The following USP33 variants were observed in gnomAD, a reference collection of about 807,000 sequenced individuals.
The protein encoded by USP33 is ubiquitin specific peptidase 33.
In USP33, 46 loss-of-function variants were observed where a neutral mutation model predicts 124.2. The ratio of observed to expected loss-of-function variants is 0.37; its 90% confidence interval spans 0.29 to 0.47. USP33 has a LOEUF of 0.47. Ranked by LOEUF, USP33 falls within the 20% of genes least tolerant of loss-of-function variation. USP33 has a pLI of 0.99. For missense variants in USP33, 851 were observed against 1,070.6 expected, an observed-to-expected ratio of 0.79 and a Z score of 2.86; for synonymous variants, 350 against 352.3, an observed-to-expected ratio of 0.99 and a Z score of 0.07.
At chr1:77,716,671 G>C (rs185713229) in intron 17 of USP33, among the ~76,000 whole-genome samples, 1 of 152,252 alleles carries the variant, frequency 6.6e-6, no homozygotes, top group East Asian at 1.9e-4. Context: ...AAGCTAGTGA[G>C]ATAAACTCCC....
chr1:77,706,838 A>G (rs1192693172), intron 21 of USP33, among the ~76,000 whole-genome samples: 1 of 152,160 alleles, frequency 6.6e-6, no homozygotes, highest in Non-Finnish European at 1.5e-5. Context: ...GAAATAAGAG[A>G]GCTCATCTAC....
intron 1 of USP33, among the ~76,000 whole-genome samples, chr1:77,758,635 T>C (rs1681027552): frequency 6.6e-6 from 1 of 152,226 alleles, no homozygotes; most frequent in South Asian, 2.1e-4. Flanking sequence ...ATTTGTATTA[T>C]GCTCAAATCA....
chr1:77,730,758 G>A, intron 7 of USP33, 27 bp from the exon 8 acceptor site: 2 of 1,497,602 alleles, frequency 1.3e-6, no homozygotes, highest in Non-Finnish European at 9.1e-7. Flanking sequence ...AAAAATGTTA[G>A]AGTGGAGTCA....
chr1:77,721,728 GCTGT>G (rs1469733743), intron 14 of USP33, 99 bp downstream of exon 14: 2 of 1,004,488 alleles, frequency 2.0e-6, no homozygotes. Flanking sequence ...GTACTATTAA[GCTGT>G]CTTAAAACTG....
chr1:77,718,100 A>G lies in USP33; in HGVS notation c.1738-53T>C, dbSNP rs1341124467. On this transcript the variant is annotated intron_variant, in intron 16 of 23. Coordinates refer to ENST00000370794, the MANE Select transcript of USP33 (RefSeq NM_201624.3). The stretch of plus-strand genomic sequence containing the variant: ...TTTGTCAATACAGAAAACAAAAAGC[A>G]TTATAACAGGTAAAACTTAGTAACA... The G allele has an allele frequency of 3.4e-6, 5 of 1,455,060 alleles. No homozygotes were observed. In the Admixed American group the frequency reaches 8.5e-5, roughly 25 times the overall value. 90.1% of individuals were successfully genotyped at this position (1,455,060 alleles called of 1,614,324 possible).
Position 77,736,036 on chromosome 1 carries a change from G to T in USP33, c.454+20C>A. On this transcript the variant is annotated intron_variant, in intron 6 of 23. Transcript: ENST00000370794. The stretch of plus-strand genomic sequence containing the variant: ...AATGGGCAGTGCCATACAAAGAAGC[G>T]TTACACAGGATTAATTTACCTCTGG... 6.4e-7 allele frequency: 1 copy of T among 1,557,690 alleles called. No individual in the cohort carries two copies. The highest frequency in any genetic ancestry group is 8.8e-7 in the Non-Finnish European group (1 of 1,138,362).
intron 1 of USP33, among the ~76,000 whole-genome samples, chr1:77,747,825 G>C (rs1679893888): frequency 2.0e-5 from 3 of 152,130 alleles, no homozygotes; most frequent in Non-Finnish European, 2.9e-5. Context: ...TTTTCTTCCA[G>C]ATGGGCAGAC....
chr1:77,716,525 T>C (rs577448810), intron 17 of USP33, among the ~76,000 whole-genome samples: 1 of 152,340 alleles, frequency 6.6e-6, no homozygotes, highest in African/African-American at 2.4e-5. Context: ...GAGACTCGCA[T>C]TTATTCAGTA....
chr1:77,740,669 G>T (rs1327875855), intron 4 of USP33, among the ~76,000 whole-genome samples: 2 of 152,154 alleles, frequency 1.3e-5, no homozygotes, highest in Admixed American at 6.6e-5. Context: ...GTACACTTTT[G>T]AAATCAGTGC....
At chr1:77,721,638 A>G in intron 14 of USP33, 193 bp downstream of exon 14, 1 of 555,924 alleles carries the variant, frequency 1.8e-6, no homozygotes, top group Non-Finnish European at 3.1e-6. Flanking sequence ...AGGAATTCAC[A>G]TGAATTCCTT....
At chr1:77,739,836 G>A (rs574359377) in intron 4 of USP33, among the ~76,000 whole-genome samples, 2 of 152,296 alleles carry the variant, frequency 1.3e-5, no homozygotes, top group South Asian at 4.1e-4. Context: ...ATCTTGGAAA[G>A]ATAAAAGTCT....
intron 1 of USP33, among the ~76,000 whole-genome samples, chr1:77,753,004 G>A (rs1034006908): frequency 2.0e-5 from 3 of 152,082 alleles, no homozygotes; most frequent in Admixed American, 6.6e-5. Context: ...GCTGGAACCC[G>A]CGAAGAGGAG....
At chr1:77,756,627 T>C (rs1432681407) in intron 1 of USP33, among the ~76,000 whole-genome samples, 1 of 152,192 alleles carries the variant, frequency 6.6e-6, no homozygotes, top group Non-Finnish European at 1.5e-5. Context: ...CAGCTCCCCT[T>C]CATTTGGGGC....
At chr1:77,739,151 A>G in intron 5 of USP33, 114 bp downstream of exon 5, 1 of 1,270,668 alleles carries the variant, frequency 7.9e-7, no homozygotes, top group Non-Finnish European at 1.1e-6. Context: ...CATTACAGAA[A>G]TTTTCAAAGT....
chr1:77,722,307 C>CA (rs1369170804), intron 12 of USP33, 111 bp from the exon 13 acceptor site: 46 of 878,030 alleles, frequency 5.2e-5, no homozygotes, highest in South Asian at 1.7e-4. Flanking sequence ...GCAAAAAAAA[C>CA]AAAAAACAAA....
At position 77,735,553 on chromosome 1, in the gene USP33, A is replaced by G. The variant is rs536887540; in HGVS notation, c.454+503T>C. Among the ~76,000 whole-genome samples the G allele has an allele frequency of 4.7e-3, 709 of 152,330 alleles. 7 individuals carry two copies. The highest frequency in any genetic ancestry group is 0.038 in the South Asian group (184 of 4,832). On this transcript the variant is annotated intron_variant, in intron 6 of 23. Transcript: ENST00000370794. The stretch of plus-strand genomic sequence containing the variant: ...TTTCCAGATAATTATCTAAATATAC[A>G]TTCAATGTACCACTAGTATCAATTA...
Position 77,730,600 on chromosome 1 carries a change from G to C in USP33, c.638+18C>G, listed in dbSNP as rs1352879629. ...TTTAAAAGTTTAATAAAGAAGAAGAGTATATTAAGTTACATACCTGCTTTT... is the reference window on the plus strand; with the variant it reads ...TTTAAAAGTTTAATAAAGAAGAAGACTATATTAAGTTACATACCTGCTTTT... On this transcript the variant is annotated intron_variant, in intron 8 of 23. Transcript: ENST00000370794. 1 of 1,469,316 alleles carries C rather than the reference G, an allele frequency of 6.8e-7. No individual in the cohort carries two copies. The highest frequency in any genetic ancestry group is 9.1e-7 in the Non-Finnish European group (1 of 1,093,298). The allele number at this position is 1,469,316 out of a possible 1,614,324, so 91.0% of individuals were successfully genotyped here.
At chr1:77,714,562 A>G in intron 19 of USP33, 52 bp downstream of exon 19, 1 of 1,562,800 alleles carries the variant, frequency 6.4e-7, no homozygotes, top group Non-Finnish European at 8.6e-7. Context: ...CTAATTTGCA[A>G]ATTATTTTAC....
chr1:77,748,820 A>G (rs1403405792), intron 1 of USP33, among the ~76,000 whole-genome samples: 1 of 111,012 alleles, frequency 9.0e-6, no homozygotes, highest in Admixed American at 1.5e-4. Context: ...GGCAGCATTT[A>G]TCAGAGATAA....
Sources: gnomAD v4.1 joint callset for allele counts (sites outside exome capture counted in the v4.1 genomes callset) on GRCh38, gnomAD v4.1.1 for gene constraint, MANE v1.5 for transcripts, NCBI Gene and HGNC (gene_info 2026-07-23, HGNC 2026-07-21) for gene names.